Variants in ZNF831 observed in about 807,000 individuals in gnomAD.
The protein encoded by ZNF831 is zinc finger protein 831.
ZNF831 carries 59 observed loss-of-function variants against 95.8 expected under a neutral mutation model. That is an observed-to-expected ratio of 0.62 (90% CI 0.50 to 0.77). ZNF831 has a LOEUF of 0.77. Among genes scored for constraint, ZNF831 ranks in the 30% least tolerant of loss-of-function variants. The pLI, the probability that ZNF831 is intolerant of heterozygous loss-of-function variation, is 0.00. For missense variants in ZNF831, 2,205 were observed against 2,164.0 expected (o/e 1.02, Z -0.38); for synonymous variants, 961 against 925.5 (o/e 1.04, Z -0.70).
At chr20:59,166,300 T>C (rs375218059) in intron 1 of ZNF831, among the ~76,000 whole-genome samples, 1 of 152,258 alleles carries the variant, frequency 6.6e-6, no homozygotes, top group East Asian at 1.9e-4. Flanking sequence ...TAACATTGAC[T>C]CACACACTGG....
intron 1 of ZNF831, among the ~76,000 whole-genome samples, chr20:59,170,567 A>G (rs904550561): frequency 2.0e-5 from 3 of 152,200 alleles, no homozygotes; most frequent in Admixed American, 1.3e-4. Context: ...GTCTATCTTG[A>G]TGTAGCAGTC....
intron 4 of ZNF831, among the ~76,000 whole-genome samples, chr20:59,209,977 C>A (rs1214545257): frequency 6.6e-6 from 1 of 152,154 alleles, no homozygotes; most frequent in African/African-American, 2.4e-5. Flanking sequence ...TTCTGAGACC[C>A]TTTTTCTAAC....
intron 3 of ZNF831, among the ~76,000 whole-genome samples, chr20:59,204,776 G>A (rs1032435812): frequency 8.5e-5 from 13 of 152,152 alleles, no homozygotes; most frequent in Non-Finnish European, 1.5e-5. Flanking sequence ...GGCCCCAACA[G>A]CACTGGCCAC....
intron 4 of ZNF831, among the ~76,000 whole-genome samples, chr20:59,243,354 T>C (rs1286268206): frequency 1.3e-5 from 2 of 152,260 alleles, no homozygotes; most frequent in African/African-American, 4.8e-5. Flanking sequence ...AAGGTTTACC[T>C]AATCACGTTG....
chr20:59,181,660 C>T (rs1031590834), intron 1 of ZNF831, among the ~76,000 whole-genome samples: 9 of 151,888 alleles, frequency 5.9e-5, no homozygotes, highest in South Asian at 2.1e-4. Flanking sequence ...TCAGGTTTGT[C>T]GAAGATCAGA....
intron 1 of ZNF831, among the ~76,000 whole-genome samples, chr20:59,179,182 G>A (rs973220054): frequency 5.3e-5 from 8 of 152,266 alleles, no homozygotes; most frequent in Middle Eastern, 3.4e-3. Context: ...CTGCCCGACC[G>A]TGCCTCACAC....
intron 4 of ZNF831, among the ~76,000 whole-genome samples, chr20:59,229,215 G>A (rs1477783530): frequency 2.0e-5 from 3 of 152,210 alleles, no homozygotes; most frequent in African/African-American, 7.2e-5. Context: ...CCAGGTATGG[G>A]CTCTTAGGTT....
At chr20:59,220,777 G>A (rs1986026736) in intron 4 of ZNF831, among the ~76,000 whole-genome samples, 1 of 152,078 alleles carries the variant, frequency 6.6e-6, no homozygotes, top group South Asian at 2.1e-4. Context: ...CATTAACCTT[G>A]GAAAGCCTAA....
At chr20:59,153,482 C>G (rs1257488701) in intron 2 of ZNF831, among the ~76,000 whole-genome samples, 1 of 152,234 alleles carries the variant, frequency 6.6e-6, no homozygotes, top group Non-Finnish European at 1.5e-5. Flanking sequence ...GGAGTGAGTG[C>G]CAAGGCACAC....
At chr20:59,242,143 CTG>C (rs1182900244) in intron 4 of ZNF831, among the ~76,000 whole-genome samples, 1 of 152,142 alleles carries the variant, frequency 6.6e-6, no homozygotes, top group African/African-American at 2.4e-5. Flanking sequence ...TTTCTTGTTT[CTG>C]TTTCTAGTTT....
At chr20:59,189,431 A>G (rs260009) in intron 1 of ZNF831, among the ~76,000 whole-genome samples, 9,808 of 152,214 alleles carry the variant, frequency 0.064, 887 homozygotes, top group African/African-American at 0.2. Flanking sequence ...AAATTTAACA[A>G]TCAGCTCTCT....
chr20:59,181,888 C>G, intron 1 of ZNF831, among the ~76,000 whole-genome samples: 1 of 152,068 alleles, frequency 6.6e-6, no homozygotes, highest in East Asian at 1.9e-4. Context: ...TTAATTTTTC[C>G]TTTCCATGAG....
rs564195953 is a variant in ZNF831, at chr20:59,152,197, G to A, written c.-1281+5823G>A. ...CTAGTAATGAGAAAAAAAGTACAGC[G>A]CTCACTTTTGAAGATCTTAGGAGTC... On this transcript the variant is annotated intron_variant, in intron 2 of 7. Coordinates refer to the ZNF831 transcript ENST00000637017. 5.3e-5 allele frequency among the ~76,000 whole-genome samples: 8 copies of A among 152,262 alleles called. No homozygotes were observed. In the East Asian group the frequency reaches 9.6e-4, roughly 18 times the overall value.
intron 1 of ZNF831, among the ~76,000 whole-genome samples, chr20:59,143,715 C>T (rs1979753502): frequency 6.6e-6 from 1 of 152,188 alleles, no homozygotes; most frequent in Non-Finnish European, 1.5e-5. Context: ...GATGGTTGGC[C>T]CGAGGATCAG....
At position 59,234,066 on chromosome 20, in the gene ZNF831, A is replaced by G. The variant is rs550425950; in HGVS notation, c.4028-18912A>G. Among the ~76,000 whole-genome samples the G allele has an allele frequency of 1.9e-3, 296 of 152,316 alleles. 1 individual carries two copies. Among genetic ancestry groups the G allele is most frequent in the African/African-American group, 6.8e-3 (283 of 41,586 alleles). On this transcript the variant is annotated intron_variant, in intron 4 of 5. Transcript: ENST00000371030. ...TAAGAAGAGAAGTCAGCCAGGGCTC[A>G]TGGTGGGCCACCTTGGGGTAGCCAC... is the stretch of plus-strand genomic sequence containing the variant.
intron 1 of ZNF831, among the ~76,000 whole-genome samples, chr20:59,128,040 G>C (rs544517026): frequency 6.6e-6 from 1 of 152,220 alleles, no homozygotes; most frequent in Non-Finnish European, 1.5e-5. Flanking sequence ...GTTTGCAACC[G>C]TGCGTGTGCA....
chr20:59,156,508 AG>A (rs2146465056), intron 2 of ZNF831, among the ~76,000 whole-genome samples: 1 of 152,336 alleles, frequency 6.6e-6, no homozygotes, highest in South Asian at 2.1e-4. Flanking sequence ...CCTGGGCGAC[AG>A]GGTGAGACTC....
Position 59,149,065 on chromosome 20 carries a change from G to A in ZNF831, c.-1281+2691G>A, listed in dbSNP as rs145542000. ...GAGGGTCTCCATCCCTTCCAGGCTG[G>A]CCGTGTCTGTGGCCACAGATGAATA... On this transcript the variant is annotated intron_variant, in intron 2 of 7. Coordinates refer to the ZNF831 transcript ENST00000637017. Among the ~76,000 whole-genome samples, 323 of 152,316 alleles carry A rather than the reference G, an allele frequency of 2.1e-3. 16 individuals carry two copies. The East Asian group carries it at 0.055, about 26-fold the overall frequency.
rs550387385 is a variant in ZNF831, at chr20:59,233,478, C to T, written c.4028-19500C>T. Among the ~76,000 whole-genome samples, 344 of 152,210 alleles carry T rather than the reference C, an allele frequency of 2.3e-3. 1 individual carries two copies. The highest frequency in any genetic ancestry group is 7.4e-3 in the African/African-American group (307 of 41,542). On this transcript the variant is annotated intron_variant, in intron 4 of 5. Transcript: ENST00000371030. ...CCACTGGACAATAGTAAAGCCAAAA[C>T]GCAAAGCAAATGACAGACCAACAAA...
Sources: gnomAD v4.1 joint callset for allele counts (sites outside exome capture counted in the v4.1 genomes callset) on GRCh38, gnomAD v4.1.1 for gene constraint, MANE v1.5 for transcripts, NCBI Gene and HGNC (gene_info 2026-07-23, HGNC 2026-07-21) for gene names.